WDR27: variants seen among roughly 807,000 people sequenced by gnomAD.
WDR27 encodes the protein WD repeat domain 27, also known as WD repeat-containing protein 27.
A neutral mutation model predicts 114.4 loss-of-function variants in WDR27; 100 were observed. The observed-to-expected ratio is 0.87, with a 90% CI of 0.74 to 1.03. The LOEUF (loss-of-function observed/expected upper bound fraction) is 1.03. Ranked by LOEUF, WDR27 falls within the 50% of genes least tolerant of loss-of-function variation. WDR27 has a pLI of 0.00. For missense variants in WDR27, 1,129 were observed against 1,092.9 expected (o/e 1.03, Z -0.47); for synonymous variants, 449 against 423.1 (o/e 1.06, Z -0.75).
chr6:169,655,407 G>A (rs9371159), intron 13 of WDR27, among the ~76,000 whole-genome samples: 12,796 of 152,320 alleles, frequency 0.084, 1,744 homozygotes, highest in East Asian at 0.61. Flanking sequence ...GCTCACAACA[G>A]CAGCCTGGGA....
chr6:169,665,770 G>A (rs1827687700), intron 6 of WDR27, among the ~76,000 whole-genome samples: 1 of 152,164 alleles, frequency 6.6e-6, no homozygotes, highest in Non-Finnish European at 1.5e-5. Context: ...AATGAAGGCT[G>A]GGGACATCAC....
the WDR27 span, among the ~76,000 whole-genome samples, chr6:169,445,063 T>C: frequency 6.6e-6 from 1 of 152,156 alleles, no homozygotes; most frequent in East Asian, 1.9e-4. Context: ...CCTTATCAAC[T>C]TCAAATACAA....
At chr6:169,557,441 G>A (rs1398535938) in intron 25 of WDR27, among the ~76,000 whole-genome samples, 1 of 152,200 alleles carries the variant, frequency 6.6e-6, no homozygotes, top group Non-Finnish European at 1.5e-5. Flanking sequence ...AGGTGCACCT[G>A]TGATGCGGGA....
intron 25 of WDR27, among the ~76,000 whole-genome samples, chr6:169,555,991 G>A (rs1446909803): frequency 1.3e-5 from 2 of 152,194 alleles, no homozygotes; most frequent in Non-Finnish European, 2.9e-5. Flanking sequence ...AGGTAGAGGA[G>A]GGACCCATGC....
In WDR27 at chr6:169,659,038, A is replaced by C; in HGVS notation, c.1319+48T>G. 1 of 1,488,202 alleles carries C rather than the reference A, an allele frequency of 6.7e-7. No homozygotes were observed. The highest frequency in any genetic ancestry group is 8.9e-7 in the Non-Finnish European group (1 of 1,121,378). The allele number at this position is 1,488,202 out of a possible 1,614,324, so 92.2% of individuals were successfully genotyped here. The stretch of plus-strand genomic sequence containing the variant: ...TTCTGAACATAGAAATCCAGATGGC[A>C]CTTATTGGTGAACACACACACACAC... On this transcript the variant is annotated intron_variant, in intron 12 of 25. Transcript: ENST00000448612. The surrounding 1 kb of genome is among the most constrained non-coding windows in gnomAD (Gnocchi z 4.3).
chr6:169,596,598 G>A (rs1013262542), intron 23 of WDR27, among the ~76,000 whole-genome samples: 10 of 151,358 alleles, frequency 6.6e-5, no homozygotes, highest in Admixed American at 2.6e-4. Flanking sequence ...ATATTTTTTG[G>A]TTCATCCTTA....
At chr6:169,657,273 C>T (rs549470507) in intron 13 of WDR27, among the ~76,000 whole-genome samples, 16 of 152,302 alleles carry the variant, frequency 1.1e-4, no homozygotes, top group South Asian at 4.1e-4. Flanking sequence ...AGAAGGTGTT[C>T]GAGGCCTGAT....
intron 25 of WDR27, among the ~76,000 whole-genome samples, chr6:169,461,119 A>C (rs987642096): frequency 6.6e-6 from 1 of 152,242 alleles, no homozygotes; most frequent in Non-Finnish European, 1.5e-5. Context: ...CCATCAAAAT[A>C]TATGAAGCAA....
intron 5 of WDR27, 43 bp downstream of exon 5, chr6:169,667,939 A>G: frequency 6.4e-7 from 1 of 1,554,002 alleles, no homozygotes; most frequent in Non-Finnish European, 8.7e-7. Flanking sequence ...TTCTTTCCAC[A>G]GCACGTGCCA....
At chr6:169,543,298 A>G (rs1029702638) in intron 25 of WDR27, among the ~76,000 whole-genome samples, 2 of 152,100 alleles carry the variant, frequency 1.3e-5, no homozygotes, top group Admixed American at 1.3e-4. Flanking sequence ...TTCTAGAGAA[A>G]TGTCATACCA....
intron 23 of WDR27, among the ~76,000 whole-genome samples, chr6:169,589,972 T>C (rs1274165999): frequency 4.8e-4 from 2 of 4,162 alleles, no homozygotes; most frequent in Non-Finnish European, 1.4e-3. Flanking sequence ...AGGGAAGCAA[T>C]ATTTTTCAGG....
the WDR27 span, among the ~76,000 whole-genome samples, chr6:169,442,270 C>T: frequency 1.3e-5 from 2 of 152,162 alleles, no homozygotes; most frequent in African/African-American, 4.8e-5. Flanking sequence ...CCTTTATTGC[C>T]CTCACAATAT....
At chr6:169,531,657 T>G (rs75898212) in intron 25 of WDR27, among the ~76,000 whole-genome samples, 2 of 4,158 alleles carry the variant, frequency 4.8e-4, no homozygotes, top group Non-Finnish European at 5.6e-3. Flanking sequence ...AACAGTTTGT[T>G]TTTTTTTTTT....
intron 25 of WDR27, among the ~76,000 whole-genome samples, chr6:169,510,670 T>C (rs1189701022): frequency 2.7e-5 from 4 of 150,256 alleles, no homozygotes; most frequent in South Asian, 2.2e-4. Context: ...TTAGGAGATA[T>C]ACCTAATGCT....
At chr6:169,566,776 C>T (rs1159680167) in intron 25 of WDR27, among the ~76,000 whole-genome samples, 3 of 152,084 alleles carry the variant, frequency 2.0e-5, no homozygotes, top group South Asian at 2.1e-4. Flanking sequence ...GTGGGGGATT[C>T]GGACAGTATC....
chr6:169,655,411 C>G (rs1458107135), intron 13 of WDR27, among the ~76,000 whole-genome samples: 2 of 152,218 alleles, frequency 1.3e-5, no homozygotes, highest in East Asian at 1.9e-4. Context: ...ACAACAGCAG[C>G]CTGGGACAAG....
Position 169,596,057 on chromosome 6 carries a change from G to C in WDR27, c.2424+6162C>G, listed in dbSNP as rs189612789. On this transcript the variant is annotated intron_variant, in intron 23 of 25. Coordinates refer to ENST00000448612, the MANE Select transcript of WDR27 (RefSeq NM_182552.5). Reference sequence around the variant, plus strand: ...TCCACAAAGGTGTTTTTTTGTTAATGTTTATAGTCAAATAGATTTGTTAAG... The same window carrying C: ...TCCACAAAGGTGTTTTTTTGTTAATCTTTATAGTCAAATAGATTTGTTAAG... 4.5e-3 allele frequency among the ~76,000 whole-genome samples: 690 copies of C among 152,050 alleles called. 4 individuals carry two copies. Among genetic ancestry groups the C allele is most frequent in the Non-Finnish European group, 7.3e-3 (494 of 67,920 alleles).
intron 8 of WDR27, chr6:169,663,689 G>C (rs1490637812): frequency 6.1e-6 from 1 of 164,328 alleles, no homozygotes; most frequent in Non-Finnish European, 1.3e-5. Context: ...GAGGGTGCTG[G>C]GCGGGTGCAG....
At chr6:169,581,098 T>C (rs1342737991) in intron 24 of WDR27, among the ~76,000 whole-genome samples, 3 of 152,026 alleles carry the variant, frequency 2.0e-5, no homozygotes. Flanking sequence ...CTACAACTTG[T>C]TGCTTTTTCC....
Sources: gnomAD v4.1 joint callset for allele counts (sites outside exome capture counted in the v4.1 genomes callset) on GRCh38, gnomAD v4.1.1 for gene constraint, Gnocchi (gnomAD v3.1) non-coding constraint, MANE v1.5 for transcripts, NCBI Gene and HGNC (gene_info 2026-07-23, HGNC 2026-07-21) for gene names.